LDLRAD4: variants seen among roughly 807,000 people sequenced by gnomAD.
LDLRAD4 encodes the protein low density lipoprotein receptor class A domain containing 4.
Under a neutral mutation model 17.0 loss-of-function variants are expected in LDLRAD4, and 5 were observed. The ratio of observed to expected loss-of-function variants is 0.29; its 90% CI spans 0.15 to 0.62. LDLRAD4 has a LOEUF of 0.62. LDLRAD4 is among the 20% of genes least tolerant of loss of function. The pLI, the probability that LDLRAD4 is intolerant of heterozygous loss-of-function variation, is 0.84. For missense variants in LDLRAD4, 340 were observed against 424.7 expected (o/e 0.80, Z 1.75); for synonymous variants, 168 against 171.8 (o/e 0.98, Z 0.17).
intron 1 of LDLRAD4, among the ~76,000 whole-genome samples, chr18:13,311,089 C>G (rs1299425154): frequency 6.6e-6 from 1 of 152,214 alleles, no homozygotes; most frequent in Non-Finnish European, 1.5e-5. Context: ...TTGGGGAAGA[C>G]AGAGGATGGA....
At chr18:13,314,186 T>C (rs2080810050) in intron 1 of LDLRAD4, among the ~76,000 whole-genome samples, 1 of 152,174 alleles carries the variant, frequency 6.6e-6, no homozygotes, top group African/African-American at 2.4e-5. Context: ...CGATTTATGG[T>C]GATTTTGGCA....
intron 3 of LDLRAD4, among the ~76,000 whole-genome samples, chr18:13,599,753 A>G (rs2095139074): frequency 6.6e-6 from 1 of 151,984 alleles, no homozygotes. Flanking sequence ...GGCCTCCCAT[A>G]GTGCTGGGAT....
At chr18:13,387,821 C>T in intron 2 of LDLRAD4, 59 bp downstream of exon 3, 1 of 1,468,374 alleles carries the variant, frequency 6.8e-7, no homozygotes. Context: ...CAATAAACTC[C>T]CAAACCACTG....
chr18:13,486,203 C>T (rs569479240), intron 3 of LDLRAD4, among the ~76,000 whole-genome samples: 80 of 152,292 alleles, frequency 5.3e-4, no homozygotes, highest in Non-Finnish European at 3.8e-4. Flanking sequence ...ATAATGAGGA[C>T]GTTACTGCAG....
rs148313677 is a variant in LDLRAD4, at chr18:13,371,107, C to T, written c.-382-16234C>T. On this transcript the variant is annotated intron_variant, in intron 1 of 5. Transcript: ENST00000359446. ...CCTGGCGGACTCTGTTCTGAGAACC[C>T]GGGTGCCGGTGGGCAATGCGCCCAC... 8.5e-4 allele frequency among the ~76,000 whole-genome samples: 129 copies of T among 152,296 alleles called. 1 individual carries two copies. The highest frequency in any genetic ancestry group is 2.9e-3 in the African/African-American group (122 of 41,572).
At chr18:13,451,812 G>T (rs906355770) in intron 3 of LDLRAD4, among the ~76,000 whole-genome samples, 9 of 152,210 alleles carry the variant, frequency 5.9e-5, no homozygotes, top group Non-Finnish European at 1.5e-5. Flanking sequence ...TCCCAATCCT[G>T]AGGGCTCTGC....
At chr18:13,561,436 A>G (rs1481086008) in intron 3 of LDLRAD4, 1 of 152,192 alleles carries the variant, frequency 6.6e-6, no homozygotes, top group Non-Finnish European at 1.5e-5. Flanking sequence ...TTTGAGCACC[A>G]TTTTTATATA....
At chr18:13,492,059 G>GC (rs961026665) in intron 3 of LDLRAD4, among the ~76,000 whole-genome samples, 1 of 152,064 alleles carries the variant, frequency 6.6e-6, no homozygotes, top group Non-Finnish European at 1.5e-5. Context: ...TAGAGTTTTT[G>GC]CCCCCCACTG....
intron 4 of LDLRAD4, chr18:13,641,719 G>A: frequency 1.0e-6 from 1 of 981,968 alleles, no homozygotes; most frequent in Non-Finnish European, 1.2e-6. Flanking sequence ...AGTCGGCGTG[G>A]GGTGCGGCAA....
chr18:13,426,819 G>A (rs1421204790), intron 2 of LDLRAD4, among the ~76,000 whole-genome samples: 1 of 152,198 alleles, frequency 6.6e-6, no homozygotes, highest in Non-Finnish European at 1.5e-5. Flanking sequence ...ATTCTGGTGT[G>A]GGTTGGTTGA....
intron 3 of LDLRAD4, among the ~76,000 whole-genome samples, chr18:13,548,616 C>A (rs554080774): frequency 6.6e-6 from 1 of 152,364 alleles, no homozygotes; most frequent in East Asian, 1.9e-4. Flanking sequence ...TGGGAGCAGG[C>A]ACTTCCAAGC....
At position 13,300,143 on chromosome 18, in the gene LDLRAD4, C is replaced by T. The variant is rs960501109; in HGVS notation, c.-383+21955C>T. Among the ~76,000 whole-genome samples, 1 of 152,240 alleles carries T rather than the reference C, an allele frequency of 6.6e-6. No homozygotes were observed. Among genetic ancestry groups the T allele is most frequent in the Non-Finnish European group, 1.5e-5 (1 of 68,038 alleles). On this transcript the variant is annotated intron_variant, in intron 1 of 5. Transcript: ENST00000359446. The surrounding 1 kb of genome is among the most constrained non-coding windows in gnomAD (Gnocchi z 4.2). ...TCTTGGTTCCTGCAAATTCCATGCC[C>T]CAGCCTGGCTTCCGGTTCCTGCTTG...
At chr18:13,460,544 A>G (rs1051858579) in intron 3 of LDLRAD4, among the ~76,000 whole-genome samples, 24 of 152,378 alleles carry the variant, frequency 1.6e-4, no homozygotes, top group African/African-American at 5.5e-4. Flanking sequence ...CATCTGACGA[A>G]GCCATGTGTC....
chr18:13,585,930 C>CTTA (rs2094926915), intron 3 of LDLRAD4, among the ~76,000 whole-genome samples: 2 of 152,174 alleles, frequency 1.3e-5, no homozygotes, highest in Non-Finnish European at 2.9e-5. Flanking sequence ...ATGAACTTGT[C>CTTA]CATCAAACCT....
intron 1 of LDLRAD4, among the ~76,000 whole-genome samples, chr18:13,340,842 C>G (rs2082336354): frequency 6.6e-6 from 1 of 151,750 alleles, no homozygotes; most frequent in South Asian, 2.1e-4. Flanking sequence ...TTGTTTTTTC[C>G]TAAGAGTTTT....
chr18:13,529,116 A>G (rs562757993), intron 3 of LDLRAD4, among the ~76,000 whole-genome samples: 20 of 152,380 alleles, frequency 1.3e-4, no homozygotes, highest in Admixed American at 1.1e-3. Context: ...AAAGATGTGT[A>G]GGGAGAACCT....
At chr18:13,368,244 A>C (rs1315825228) in intron 1 of LDLRAD4, among the ~76,000 whole-genome samples, 3 of 152,048 alleles carry the variant, frequency 2.0e-5, no homozygotes, top group Admixed American at 1.3e-4. Context: ...AGCCGACAAG[A>C]AGCTGAGTGT....
intron 3 of LDLRAD4, among the ~76,000 whole-genome samples, chr18:13,452,117 G>C (rs2091872707): frequency 6.6e-6 from 1 of 152,186 alleles, no homozygotes; most frequent in African/African-American, 2.4e-5. Flanking sequence ...ACTGGGCCTA[G>C]CTAGGAAGGC....
intron 2 of LDLRAD4, among the ~76,000 whole-genome samples, chr18:13,416,254 C>A (rs908875517): frequency 6.6e-6 from 1 of 152,212 alleles, no homozygotes; most frequent in Non-Finnish European, 1.5e-5. Flanking sequence ...CGAATGCCCA[C>A]GATTCTGTGT....
Sources: allele counts gnomAD v4.1 joint callset (sites outside exome capture counted in the v4.1 genomes callset), GRCh38; gene constraint gnomAD v4.1.1; non-coding constraint Gnocchi (gnomAD v3.1); transcripts MANE v1.5; gene names NCBI Gene and HGNC (gene_info 2026-07-23, HGNC 2026-07-21).